Variants in EDARADD observed in about 807,000 individuals in gnomAD.
The protein encoded by EDARADD is ectodysplasin-A receptor-associated adapter protein.
A neutral mutation model predicts 25.6 loss-of-function variants in EDARADD; 20 were observed. The ratio of observed to expected loss-of-function variants is 0.78; its 90% confidence interval spans 0.55 to 1.14. EDARADD has a LOEUF of 1.14. EDARADD is among the 50% of genes most tolerant of loss of function. The pLI, the probability that EDARADD is intolerant of heterozygous loss-of-function variation, is 0.00. For synonymous variants in EDARADD, 86 were observed against 94.4 expected (o/e 0.91, Z 0.52); for missense variants, 225 against 270.1 (o/e 0.83, Z 1.17).
rs1659758033 is a variant in EDARADD, at chr1:236,483,958, A to G, written c.*1309A>G. On this transcript the variant is annotated 3_prime_UTR_variant, in exon 6 of 6. Transcript: ENST00000334232. ...TATGACCTGGAATTCAAGTTTCTCG[A>G]CGACCCCACCAGGTACATCTCACCT... The G allele has an allele frequency of 1.5e-6, 2 of 1,372,404 alleles. No individual in the cohort carries two copies. Among genetic ancestry groups the G allele is most frequent in the South Asian group, 2.3e-5 (2 of 85,926 alleles). The allele number at this position is 1,372,404 out of a possible 1,614,324, so 85.0% of individuals were successfully genotyped here. A position where few individuals can be genotyped will look rare whatever the true frequency, so the allele number is the denominator to read the frequency against.
At chr1:236,457,676 G>A (rs1015646683) in intron 4 of EDARADD, among the ~76,000 whole-genome samples, 2 of 151,882 alleles carry the variant, frequency 1.3e-5, no homozygotes, top group Admixed American at 1.3e-4. Flanking sequence ...AAAATTAGCC[G>A]GGTGTAGTGG....
intron 3 of EDARADD, among the ~76,000 whole-genome samples, chr1:236,424,148 A>G (rs1311180138): frequency 6.9e-6 from 1 of 144,124 alleles, no homozygotes; most frequent in Non-Finnish European, 1.5e-5. Context: ...ATCCACTGTG[A>G]AGCATCTTTT....
intron 2 of EDARADD, among the ~76,000 whole-genome samples, chr1:236,350,006 G>A (rs904231386): frequency 1.3e-5 from 2 of 152,212 alleles, no homozygotes; most frequent in African/African-American, 2.4e-5. Flanking sequence ...CAGCTACTCA[G>A]GAGGCTGAGG....
intron 3 of EDARADD, among the ~76,000 whole-genome samples, chr1:236,416,943 C>T (rs916247027): frequency 1.3e-5 from 2 of 152,060 alleles, no homozygotes; most frequent in Admixed American, 6.6e-5. Flanking sequence ...GAAACCCCAT[C>T]TCTACAAAAA....
chr1:236,364,968 A>C lies in EDARADD; in HGVS notation c.-6+14129A>C, dbSNP rs141000143. On this transcript the variant is annotated intron_variant, in intron 3 of 7. Coordinates refer to the EDARADD transcript ENST00000439430. Reference sequence around the variant, plus strand: ...ACATCCTTGTATTGTTCCTGATCTTAGGAGGAAAATATTCATTTTTCACCA... The same window carrying C: ...ACATCCTTGTATTGTTCCTGATCTTCGGAGGAAAATATTCATTTTTCACCA... 3.3e-4 allele frequency among the ~76,000 whole-genome samples: 51 copies of C among 152,304 alleles called. No individual in the cohort carries two copies. In the East Asian group the frequency reaches 9.1e-3, roughly 27 times the overall value.
At chr1:236,481,250 T>G (rs1659663056) in intron 5 of EDARADD, among the ~76,000 whole-genome samples, 1 of 152,148 alleles carries the variant, frequency 6.6e-6, no homozygotes, top group African/African-American at 2.4e-5. Context: ...GACTGGTCAC[T>G]TGGAAAGGGC....
At chr1:236,382,034 G>T (rs1390973534) in intron 3 of EDARADD, among the ~76,000 whole-genome samples, 4 of 151,216 alleles carry the variant, frequency 2.6e-5, no homozygotes, top group African/African-American at 9.7e-5. Context: ...TCTTGTGCTT[G>T]GTGTTCATTG....
chr1:236,393,391 CT>C (rs761525038), upstream of EDARADD, among the ~76,000 whole-genome samples: 3,898 of 86,826 alleles, frequency 0.045, 43 homozygotes, highest in African/African-American at 0.11. Context: ...TTCTTTCTTT[CT>C]TTTTTTTTTT....
chr1:236,366,499 C>T (rs900748450), intron 3 of EDARADD, among the ~76,000 whole-genome samples: 1 of 150,902 alleles, frequency 6.6e-6, no homozygotes, highest in Non-Finnish European at 1.5e-5. Flanking sequence ...TAGATTCTCT[C>T]CACACTTGTG....
chr1:236,361,650 T>TATATATATA (rs1553262114), intron 3 of EDARADD, among the ~76,000 whole-genome samples: 3 of 149,038 alleles, frequency 2.0e-5, no homozygotes, highest in South Asian at 2.1e-4. Context: ...TATATATATA[T>TATATATATA]TCCTTCATAC....
At chr1:236,453,777 C>T (rs1475968136) in intron 4 of EDARADD, among the ~76,000 whole-genome samples, 1 of 152,326 alleles carries the variant, frequency 6.6e-6, no homozygotes, top group East Asian at 1.9e-4. Context: ...ATGATGTTCA[C>T]ACAACGAAAT....
At chr1:236,414,700 G>A (rs528380722) in intron 3 of EDARADD, among the ~76,000 whole-genome samples, 74 of 152,168 alleles carry the variant, frequency 4.9e-4, no homozygotes, top group African/African-American at 1.7e-3. Flanking sequence ...TTGGGAGGCC[G>A]AGGCAGGTGG....
chr1:236,417,954 CT>C (rs1203533532), intron 3 of EDARADD, among the ~76,000 whole-genome samples: 1 of 103,492 alleles, frequency 9.7e-6, no homozygotes, highest in Non-Finnish European at 2.3e-5. Context: ...CTCTTCTTTT[CT>C]TTTTTTCTTT....
intron 4 of EDARADD, among the ~76,000 whole-genome samples, chr1:236,442,317 G>A (rs2103022893): frequency 6.6e-6 from 1 of 152,110 alleles, no homozygotes; most frequent in East Asian, 1.9e-4. Context: ...GTAGAGACAG[G>A]GTCTCACCAT....
chr1:236,393,451 C>T (rs537704700), upstream of EDARADD, among the ~76,000 whole-genome samples: 4 of 119,480 alleles, frequency 3.3e-5, no homozygotes, highest in African/African-American at 9.3e-5. Context: ...GCTGGAGTGC[C>T]GTGGTGCAAT....
At chr1:236,384,694 T>C (rs970973746) in intron 3 of EDARADD, among the ~76,000 whole-genome samples, 6 of 152,074 alleles carry the variant, frequency 3.9e-5, no homozygotes, top group Admixed American at 1.3e-4. Flanking sequence ...TGGCTAATTA[T>C]TATTATTATT....
intron 4 of EDARADD, among the ~76,000 whole-genome samples, chr1:236,428,900 G>A (rs35531505): frequency 0.45 from 67,881 of 151,378 alleles, 17,545 homozygotes; most frequent in Non-Finnish European, 0.59. Flanking sequence ...TCGGGAGGCC[G>A]AGGCTGGCAG....
chr1:236,418,223 G>A (rs1657693122), intron 3 of EDARADD, among the ~76,000 whole-genome samples: 1 of 151,494 alleles, frequency 6.6e-6, no homozygotes, highest in Non-Finnish European at 1.5e-5. Context: ...AAAGTGCTGG[G>A]ATTACAGGCG....
intron 4 of EDARADD, among the ~76,000 whole-genome samples, chr1:236,461,728 TG>T (rs1659043637): frequency 6.6e-6 from 1 of 152,186 alleles, no homozygotes; most frequent in South Asian, 2.1e-4. Flanking sequence ...TTGGTGTTCG[TG>T]GTGGTTTCCA....
Sources: allele counts gnomAD v4.1 joint callset (sites outside exome capture counted in the v4.1 genomes callset), GRCh38; gene constraint gnomAD v4.1.1; transcripts MANE v1.5; gene names NCBI Gene and HGNC (gene_info 2026-07-23, HGNC 2026-07-21).